Variants in DNMT3A observed in about 807,000 individuals in gnomAD.
DNMT3A encodes DNA (cytosine-5)-methyltransferase 3A.
A neutral mutation model predicts 117.6 loss-of-function variants in DNMT3A; 267 were observed. The observed-to-expected ratio is 2.27, with a 90% CI of 2.05 to 2.51. The LOEUF is 2.51. Among genes scored for constraint, DNMT3A ranks in the 30% most tolerant of loss-of-function variants. The probability of loss-of-function intolerance (pLI) is 0.00; values close to 1 mark genes in which losing one functional copy is unlikely to be tolerated. For missense variants in DNMT3A, 1,029 were observed against 1,260.2 expected (o/e 0.82, Z 2.78); for synonymous variants, 432 against 474.8 (o/e 0.91, Z 1.17).
intron 2 of DNMT3A, among the ~76,000 whole-genome samples, chr2:25,300,753 AT>A (rs1191388143): frequency 1.6e-5 from 1 of 62,370 alleles, no homozygotes; most frequent in Non-Finnish European, 2.9e-5. Flanking sequence ...ATATATATAT[AT>A]ATATATATAT....
chr2:25,258,458 T>A (rs1676344837), intron 6 of DNMT3A, among the ~76,000 whole-genome samples: 1 of 152,156 alleles, frequency 6.6e-6, no homozygotes, highest in Admixed American at 6.5e-5. Context: ...CCGGATCAGG[T>A]CAGTCAGTCC....
chr2:25,338,723 T>C (rs936639579), intron 1 of DNMT3A, among the ~76,000 whole-genome samples: 4 of 152,150 alleles, frequency 2.6e-5, no homozygotes, highest in African/African-American at 7.2e-5. Context: ...GTAAGAGGTA[T>C]AGCATGGGGC....
At chr2:25,253,125 G>C (rs1675794386) in intron 6 of DNMT3A, among the ~76,000 whole-genome samples, 1 of 152,144 alleles carries the variant, frequency 6.6e-6, no homozygotes, top group Non-Finnish European at 1.5e-5. Flanking sequence ...GAGAAGACCT[G>C]ACTCCTCTCC....
At chr2:25,268,714 C>T (rs1054650321) in intron 6 of DNMT3A, among the ~76,000 whole-genome samples, 1 of 152,094 alleles carries the variant, frequency 6.6e-6, no homozygotes. Flanking sequence ...GAGACTCTGG[C>T]CCCCCTTTAC....
intron 18 of DNMT3A, 49 bp from the exon 19 acceptor site, chr2:25,240,499 C>G (rs2149272871): frequency 6.3e-7 from 1 of 1,583,602 alleles, no homozygotes; most frequent in South Asian, 1.2e-5. Flanking sequence ...CTGCATAGGA[C>G]AGTGGTGTGG....
At chr2:25,242,032 C>T in intron 16 of DNMT3A, 1 of 352,758 alleles carries the variant, frequency 2.8e-6, no homozygotes, top group Admixed American at 5.2e-5. Context: ...TGTCCGTCTA[C>T]AACTTGGTCC....
intron 1 of DNMT3A, among the ~76,000 whole-genome samples, chr2:25,323,503 C>T (rs764003280): frequency 8.3e-4 from 126 of 152,184 alleles, no homozygotes; most frequent in Non-Finnish European, 1.7e-3. Context: ...GCTGTGTGGC[C>T]TGAGGCGAAA....
chr2:25,305,662 C>T lies in DNMT3A; in HGVS notation c.73-5419G>A, dbSNP rs1044082558. 2.0e-5 allele frequency among the ~76,000 whole-genome samples: 3 copies of T among 152,172 alleles called. No homozygotes were observed. Among genetic ancestry groups the T allele is most frequent in the Non-Finnish European group, 4.4e-5 (3 of 68,036 alleles). ...TTACATCTTTTGTTTACCAGTCCATCGGTCTTTCTACTGCAACATGCCACT... is the reference window on the plus strand; with the variant it reads ...TTACATCTTTTGTTTACCAGTCCATTGGTCTTTCTACTGCAACATGCCACT... On this transcript the variant is annotated intron_variant, in intron 2 of 22. Coordinates refer to ENST00000321117, the MANE Select transcript of DNMT3A (RefSeq NM_022552.5). The surrounding 1 kb of genome is among the most constrained non-coding windows in gnomAD (Gnocchi z 4.1).
At chr2:25,276,086 C>G (rs993078277) in intron 4 of DNMT3A, among the ~76,000 whole-genome samples, 1 of 152,118 alleles carries the variant, frequency 6.6e-6, no homozygotes, top group East Asian at 1.9e-4. Context: ...AACAAGACCC[C>G]GGTGAAGCAA....
At chr2:25,285,365 A>T (rs761243745) in intron 3 of DNMT3A, among the ~76,000 whole-genome samples, 4 of 152,214 alleles carry the variant, frequency 2.6e-5, no homozygotes, top group African/African-American at 4.8e-5. Context: ...ACAAAAACAA[A>T]AACAAAACCA....
intron 10 of DNMT3A, 133 bp downstream of exon 10, chr2:25,246,487 G>A (rs1573335430): frequency 5.5e-6 from 8 of 1,452,456 alleles, no homozygotes; most frequent in East Asian, 2.3e-5. Context: ...CCCAGGGCAA[G>A]AGAGACCCCG....
At chr2:25,277,553 G>A (rs2031537765) in intron 4 of DNMT3A, among the ~76,000 whole-genome samples, 1 of 152,198 alleles carries the variant, frequency 6.6e-6, no homozygotes, top group Non-Finnish European at 1.5e-5. Flanking sequence ...CCCCCGGGCT[G>A]GCTCTCGGAC....
rs1287436463 is a variant in DNMT3A at position 25,284,645 on chromosome 2, T to TTAAAA, written c.178-1935_178-1934insTTTTA. ...CTGGGCAACAGAGTGAGACTCCATCTAAAAAAAAAAAAAAAAAAAAAAAAA... is the reference window on the plus strand; with the variant it reads ...CTGGGCAACAGAGTGAGACTCCATCTTAAAAAAAAAAAAAAAAAAAAAAAAAAAAA... On this transcript the variant is annotated intron_variant, in intron 3 of 22. Transcript: ENST00000321117. 3.8e-3 allele frequency among the ~76,000 whole-genome samples: 64 copies of TTAAAA among 16,644 alleles called. 3 individuals are homozygous for TTAAAA. Among genetic ancestry groups the TTAAAA allele is most frequent in the African/African-American group, 0.026 (63 of 2,422 alleles). 10.9% of individuals were successfully genotyped at this position (16,644 alleles called of 152,430 possible). A position where few individuals can be genotyped will look rare whatever the true frequency, so the allele number is the denominator to read the frequency against.
chr2:25,326,467 T>C (rs996816202), intron 1 of DNMT3A, among the ~76,000 whole-genome samples: 2 of 152,176 alleles, frequency 1.3e-5, no homozygotes, highest in Non-Finnish European at 2.9e-5. Context: ...AGGGGTAAAC[T>C]GTGCCAGTTA....
At position 25,257,974 on chromosome 2, in the gene DNMT3A, G is replaced by A. The variant is rs1676302521; in HGVS notation, c.640-9722C>T. On this transcript the variant is annotated intron_variant, in intron 6 of 22. Coordinates refer to ENST00000321117, the MANE Select transcript of DNMT3A (RefSeq NM_022552.5). The surrounding 1 kb of genome is among the most constrained non-coding windows in gnomAD (Gnocchi z 4.8). ...AGAGGAGGGGAAGCAGAAGGAGATG[G>A]AGGTCAGCTCCCTCGGGGCATGCGT... is the stretch of plus-strand genomic sequence containing the variant. 6.6e-6 allele frequency among the ~76,000 whole-genome samples: 1 copy of A among 152,208 alleles called. No homozygotes were observed. Among genetic ancestry groups the A allele is most frequent in the South Asian group, 2.1e-4 (1 of 4,834 alleles).
intron 2 of DNMT3A, among the ~76,000 whole-genome samples, chr2:25,300,573 C>A (rs2033374156): frequency 7.0e-6 from 1 of 142,850 alleles, no homozygotes; most frequent in Non-Finnish European, 1.5e-5. Context: ...GAGACTCCAT[C>A]TCTATAAAAA....
intron 1 of DNMT3A, chr2:25,314,809 C>T (rs924684523): frequency 4.4e-6 from 3 of 679,554 alleles, no homozygotes; most frequent in African/African-American, 3.9e-5. Flanking sequence ...TCTCCCCCAC[C>T]CCATGAACCA....
chr2:25,272,291 A>G (rs2030975051), intron 6 of DNMT3A, among the ~76,000 whole-genome samples: 1 of 152,190 alleles, frequency 6.6e-6, no homozygotes, highest in African/African-American at 2.4e-5. Flanking sequence ...CCAGCCCAAA[A>G]AAGTCTTTTT....
upstream of DNMT3A, among the ~76,000 whole-genome samples, chr2:25,342,171 G>C (rs1429783175): frequency 1.4e-5 from 2 of 145,326 alleles, no homozygotes; most frequent in Non-Finnish European, 3.1e-5. The surrounding 1 kb of genome is among the most constrained non-coding windows in gnomAD (Gnocchi z 5.9). Context: ...CGCCGACTGG[G>C]GGGCCCCGGG....
Sources: gnomAD v4.1 joint callset for allele counts (sites outside exome capture counted in the v4.1 genomes callset) on GRCh38, gnomAD v4.1.1 for gene constraint, Gnocchi (gnomAD v3.1) non-coding constraint, MANE v1.5 for transcripts, NCBI Gene and HGNC (gene_info 2026-07-23, HGNC 2026-07-21) for gene names.